The following SBF2 variants were observed in gnomAD, a reference collection of about 807,000 sequenced individuals.
SBF2 encodes SET binding factor 2, also known as myotubularin-related protein 13.
In SBF2, 112 loss-of-function variants were observed where a neutral mutation model predicts 225.2. The ratio of observed to expected loss-of-function variants is 0.50; its 90% CI spans 0.43 to 0.58. The LOEUF (loss-of-function observed/expected upper bound fraction) is 0.58. SBF2 is among the 20% of genes least tolerant of loss of function. SBF2 has a pLI of 0.00. For synonymous variants in SBF2, 763 were observed against 773.3 expected (o/e 0.99, Z 0.22); for missense variants, 1,996 against 2,206.2 (o/e 0.90, Z 1.91).
chr11:10,292,365 CT>C (rs977978618), intron 1 of SBF2, among the ~76,000 whole-genome samples: 37 of 152,232 alleles, frequency 2.4e-4, no homozygotes, highest in African/African-American at 7.9e-4. Context: ...ATTCTTGCAA[CT>C]TTTTTGCAAG....
At chr11:10,157,727 A>T (rs1440676216) in intron 2 of SBF2, among the ~76,000 whole-genome samples, 1 of 152,202 alleles carries the variant, frequency 6.6e-6, no homozygotes, top group African/African-American at 2.4e-5. Context: ...AATGTAATGC[A>T]CTTAAATCAT....
At chr11:9,888,691 T>A (rs1293118469) in intron 17 of SBF2, among the ~76,000 whole-genome samples, 1 of 152,020 alleles carries the variant, frequency 6.6e-6, no homozygotes, top group African/African-American at 2.4e-5. Context: ...CAACTCAGTA[T>A]CTCTAAGCAA....
intron 6 of SBF2, among the ~76,000 whole-genome samples, chr11:10,027,414 C>A (rs1479170351): frequency 2.0e-5 from 3 of 152,054 alleles, no homozygotes; most frequent in African/African-American, 7.2e-5. Context: ...GATAGGGACA[C>A]TGATGAAAAG....
chr11:10,066,269 G>C (rs1013270264), intron 2 of SBF2, among the ~76,000 whole-genome samples: 4 of 151,356 alleles, frequency 2.6e-5, no homozygotes, highest in African/African-American at 9.7e-5. Flanking sequence ...GACATTACAA[G>C]AAAACTACAG....
intron 2 of SBF2, among the ~76,000 whole-genome samples, chr11:10,044,077 T>G (rs1029149209): frequency 5.3e-5 from 8 of 152,004 alleles, no homozygotes; most frequent in Non-Finnish European, 8.8e-5. Context: ...GCTTTGACCT[T>G]TGGAAACTAG....
At chr11:9,814,214 C>T (rs942472622) in intron 29 of SBF2, among the ~76,000 whole-genome samples, 3 of 152,178 alleles carry the variant, frequency 2.0e-5, no homozygotes, top group African/African-American at 7.2e-5. Flanking sequence ...ACTTTTCATG[C>T]CAAAGAATGA....
intron 2 of SBF2, among the ~76,000 whole-genome samples, chr11:10,076,593 T>A (rs1017710318): frequency 5.9e-5 from 9 of 152,294 alleles, no homozygotes; most frequent in Middle Eastern, 6.8e-3. Context: ...GATGTTACAA[T>A]CTGAAGAAAG....
At chr11:10,186,693 TG>T (rs1432547959) in intron 2 of SBF2, among the ~76,000 whole-genome samples, 2 of 152,138 alleles carry the variant, frequency 1.3e-5, no homozygotes, top group African/African-American at 2.4e-5. Context: ...CTCTCCCCAC[TG>T]GGGGTGAAAG....
rs774432862 is a variant in SBF2 at position 9,847,052 on chromosome 11, G to A, written c.2838C>T (p.Pro946=). The A allele has an allele frequency of 8.7e-6, 14 of 1,613,674 alleles. No individual in the cohort carries two copies. Among genetic ancestry groups the A allele is most frequent in the Non-Finnish European group, 1.0e-5 (12 of 1,179,760 alleles). Residue 946 remains proline (P), a synonymous_variant, in exon 23 of 40, where the codon CCC becomes CCT. Transcript: ENST00000256190. ...TCTTCTCCTTGGTGATGGAGGCAATGGGAAAGCTCCGCACAACTGTCTGCT... is the reference window on the plus strand; with the variant it reads ...TCTTCTCCTTGGTGATGGAGGCAATAGGAAAGCTCCGCACAACTGTCTGCT... ...VGEQTVVRSF[P]IASITKEKKI... is the part of the protein sequence containing the mutation.
At position 10,241,732 on chromosome 11, in the gene SBF2, C is replaced by A. The variant is rs79133863; in HGVS notation, c.56-47745G>T. 0.019 allele frequency among the ~76,000 whole-genome samples: 2,874 copies of A among 151,918 alleles called. 298 individuals are homozygous for A. In the East Asian group the frequency reaches 0.28, roughly 15 times the overall value. The stretch of plus-strand genomic sequence containing the variant: ...AAACTGGCTCAAGAAACTGAAAATC[C>A]GAGAAGCAGATATCTATAAAATGCC... On this transcript the variant is annotated intron_variant, in intron 1 of 39. Coordinates refer to ENST00000256190, the MANE Select transcript of SBF2 (RefSeq NM_030962.4).
intron 6 of SBF2, among the ~76,000 whole-genome samples, chr11:10,012,044 G>A (rs1039517283): frequency 6.6e-6 from 1 of 152,048 alleles, no homozygotes; most frequent in African/African-American, 2.4e-5. Flanking sequence ...TTTTCTCTAT[G>A]TTTTTTATAT....
intron 2 of SBF2, among the ~76,000 whole-genome samples, chr11:10,193,407 C>G (rs924556220): frequency 1.5e-5 from 2 of 137,742 alleles, no homozygotes; most frequent in Non-Finnish European, 3.0e-5. Context: ...CAGGCTAGAG[C>G]GCAGTGGCAC....
intron 2 of SBF2, among the ~76,000 whole-genome samples, chr11:10,057,556 T>C (rs1049520167): frequency 7.9e-5 from 12 of 152,288 alleles, no homozygotes; most frequent in African/African-American, 2.6e-4. Context: ...GAGTGATTGC[T>C]GACCTGCATC....
rs554424815 is a variant in SBF2, at chr11:10,178,787, G to A, written c.141+15115C>T. 5.1e-4 allele frequency among the ~76,000 whole-genome samples: 75 copies of A among 147,138 alleles called. No individual in the cohort carries two copies. In the East Asian group the frequency reaches 9.4e-3, roughly 19 times the overall value. The stretch of plus-strand genomic sequence containing the variant: ...CAACCATTGTGGAAGTCAGTGTGGC[G>A]ATTCCTCAGGGATCTAGAACTAGAA... On this transcript the variant is annotated intron_variant, in intron 2 of 39. Coordinates refer to ENST00000256190, the MANE Select transcript of SBF2 (RefSeq NM_030962.4).
At chr11:10,168,570 A>G (rs1180755608) in intron 2 of SBF2, among the ~76,000 whole-genome samples, 1 of 152,244 alleles carries the variant, frequency 6.6e-6, no homozygotes, top group Non-Finnish European at 1.5e-5. Context: ...CAGGTAGAAC[A>G]ATATTAATCC....
intron 2 of SBF2, among the ~76,000 whole-genome samples, chr11:10,109,308 ATCT>A (rs1374982598): frequency 2.0e-5 from 3 of 152,166 alleles, no homozygotes; most frequent in African/African-American, 4.8e-5. Flanking sequence ...AAGATCAAAC[ATCT>A]TCTTTAATGA....
intron 1 of SBF2, among the ~76,000 whole-genome samples, chr11:10,283,529 GA>G (rs1261360158): frequency 2.0e-5 from 3 of 150,716 alleles, no homozygotes; most frequent in Non-Finnish European, 3.0e-5. Flanking sequence ...AGACTGATAT[GA>G]AAAAAAACAA....
upstream of SBF2, among the ~76,000 whole-genome samples, chr11:10,298,470 C>G (rs182085954): frequency 2.6e-5 from 4 of 152,266 alleles, no homozygotes; most frequent in Admixed American, 2.6e-4. Flanking sequence ...GCCCATTGCC[C>G]CTAGTGGGCT....
chr11:9,812,731 T>C (rs1854257737), intron 29 of SBF2, 23 bp from the exon 30 acceptor site: 1 of 1,612,612 alleles, frequency 6.2e-7, no homozygotes, highest in Admixed American at 1.7e-5. Flanking sequence ...ATTCAGAGAA[T>C]TAGGCAGATG....
Sources: gnomAD v4.1 joint callset for allele counts (sites outside exome capture counted in the v4.1 genomes callset) on GRCh38, gnomAD v4.1.1 for gene constraint, MANE v1.5 for transcripts, NCBI Gene and HGNC (gene_info 2026-07-23, HGNC 2026-07-21) for gene names.